STX12: variants seen among roughly 807,000 people sequenced by gnomAD.
STX12 encodes syntaxin-12.
STX12 carries 17 observed loss-of-function variants against 42.2 expected under a neutral mutation model. The observed-to-expected ratio is 0.40, with a 90% CI of 0.28 to 0.60. The LOEUF (loss-of-function observed/expected upper bound fraction) is 0.60, where lower values mean the gene tolerates loss of function less well. Among genes scored for constraint, STX12 ranks in the 20% least tolerant of loss-of-function variants. The probability of loss-of-function intolerance (pLI) is 0.39; values close to 1 mark genes in which losing one functional copy is unlikely to be tolerated. For missense variants in STX12, 297 were observed against 330.9 expected, an observed-to-expected ratio of 0.90 and a Z score of 0.79; for synonymous variants, 108 against 116.7, an observed-to-expected ratio of 0.93 and a Z score of 0.48.
chr1:27,814,821 G>A (rs566784216), intron 6 of STX12, among the ~76,000 whole-genome samples: 28 of 146,148 alleles, frequency 1.9e-4, no homozygotes, highest in African/African-American at 6.7e-4. Flanking sequence ...CCTGGCAACA[G>A]AGCGAGACTC....
Position 27,810,238 on chromosome 1 carries a change from C to T in STX12, c.427-8C>T, listed in dbSNP as rs778705939. The stretch of plus-strand genomic sequence containing the variant: ...ATGACAGCAGCAATAATACCATCTA[C>T]TTTCTAGGCAGAAGAGAGGCAAAGA... On this transcript the variant is annotated splice_polypyrimidine_tract_variant and splice_region_variant and intron_variant, in intron 4 of 8. Coordinates refer to ENST00000373943, the MANE Select transcript of STX12 (RefSeq NM_177424.3). 8 of 1,613,564 alleles carry T rather than the reference C, an allele frequency of 5.0e-6. No homozygotes were observed. Among genetic ancestry groups the T allele is most frequent in the Non-Finnish European group, 6.8e-6 (8 of 1,179,672 alleles).
chr1:27,792,244 CTATA>C (rs201129747), intron 2 of STX12, among the ~76,000 whole-genome samples: 10 of 94,968 alleles, frequency 1.1e-4, no homozygotes, highest in African/African-American at 4.7e-4. Context: ...ATATATGTAT[CTATA>C]TATATGTAGA....
intron 1 of STX12, among the ~76,000 whole-genome samples, chr1:27,780,809 G>C (rs1302959785): frequency 2.0e-5 from 3 of 151,808 alleles, no homozygotes; most frequent in Admixed American, 6.6e-5. Flanking sequence ...AAAATTAGCT[G>C]GGTGTGGTGG....
intron 4 of STX12, among the ~76,000 whole-genome samples, chr1:27,807,400 G>A (rs1163473589): frequency 6.6e-6 from 1 of 152,052 alleles, no homozygotes; most frequent in African/African-American, 2.4e-5. Flanking sequence ...TACACTCATG[G>A]AGCAAATAAA....
chr1:27,797,690 C>T (rs2088796355), intron 3 of STX12, among the ~76,000 whole-genome samples: 2 of 152,098 alleles, frequency 1.3e-5, no homozygotes, highest in South Asian at 4.1e-4. Context: ...CATGTTCTGA[C>T]ATCTCCTCCT....
intron 2 of STX12, among the ~76,000 whole-genome samples, chr1:27,790,839 G>T (rs1219412380): frequency 3.9e-5 from 6 of 152,150 alleles, no homozygotes; most frequent in Non-Finnish European, 8.8e-5. Context: ...TACTCAGGAG[G>T]CTGAGGCAGG....
intron 1 of STX12, among the ~76,000 whole-genome samples, chr1:27,780,804 T>C (rs1363823240): frequency 6.6e-6 from 1 of 151,588 alleles, no homozygotes; most frequent in Admixed American, 6.6e-5. Context: ...ATACAAAAAT[T>C]AGCTGGGTGT....
chr1:27,815,716 G>C (rs78203954), intron 6 of STX12, among the ~76,000 whole-genome samples: 1 of 152,168 alleles, frequency 6.6e-6, no homozygotes, highest in Non-Finnish European at 1.5e-5. Flanking sequence ...CACTATAGTA[G>C]ACTCTTAGCA....
intron 2 of STX12, among the ~76,000 whole-genome samples, chr1:27,792,505 G>A (rs951210251): frequency 6.6e-6 from 1 of 151,304 alleles, no homozygotes; most frequent in African/African-American, 2.4e-5. Flanking sequence ...CCACTGATTG[G>A]GTACCTCTTG....
chr1:27,788,403 T>TA (rs773499818), intron 1 of STX12, among the ~76,000 whole-genome samples: 1 of 152,214 alleles, frequency 6.6e-6, no homozygotes. Flanking sequence ...AGGCTGGCGT[T>TA]AGAGTGTTCC....
At chr1:27,804,269 A>T (rs1447852626) in intron 4 of STX12, among the ~76,000 whole-genome samples, 1 of 150,122 alleles carries the variant, frequency 6.7e-6, no homozygotes, top group East Asian at 2.0e-4. Context: ...CTATTAAAAA[A>T]TACAAAATTA....
At chr1:27,810,128 C>T in intron 4 of STX12, 118 bp from the exon 5 acceptor site, 1 of 865,368 alleles carries the variant, frequency 1.2e-6, no homozygotes, top group South Asian at 1.5e-5. Context: ...TGTAATCTTA[C>T]AGATTCTGTG....
intron 4 of STX12, among the ~76,000 whole-genome samples, chr1:27,802,449 C>G (rs2088833943): frequency 6.6e-6 from 1 of 152,198 alleles, no homozygotes; most frequent in African/African-American, 2.4e-5. Context: ...GTAAGCTCTT[C>G]TATCCCCCGG....
At chr1:27,801,968 C>T in intron 4 of STX12, 153 bp downstream of exon 4, 4 of 718,584 alleles carry the variant, frequency 5.6e-6, no homozygotes, top group Non-Finnish European at 8.4e-6. Context: ...AACATATATG[C>T]ATGTGATCAA....
At chr1:27,777,293 C>T (rs1472863043) in intron 1 of STX12, among the ~76,000 whole-genome samples, 2 of 149,644 alleles carry the variant, frequency 1.3e-5, no homozygotes, top group Admixed American at 1.3e-4. Flanking sequence ...TGAGCAAGAG[C>T]TGTGTGAGTA....
At chr1:27,804,951 C>G (rs539394189) in intron 4 of STX12, among the ~76,000 whole-genome samples, 1 of 152,124 alleles carries the variant, frequency 6.6e-6, no homozygotes, top group Non-Finnish European at 1.5e-5. Context: ...AACTTACAGT[C>G]ATGGTAGAAG....
chr1:27,818,633 C>CTTTT (rs201465138), intron 7 of STX12, among the ~76,000 whole-genome samples: 1 of 143,272 alleles, frequency 7.0e-6, no homozygotes, highest in African/African-American at 2.6e-5. Flanking sequence ...GTTAGTAACC[C>CTTTT]TTTTTTTTTT....
At chr1:27,782,423 A>G (rs1004761791) in intron 1 of STX12, among the ~76,000 whole-genome samples, 1 of 152,190 alleles carries the variant, frequency 6.6e-6, no homozygotes, top group Non-Finnish European at 1.5e-5. Flanking sequence ...ATTCAGAGCT[A>G]TGCTCTTAAC....
At chr1:27,806,926 A>G (rs1277885024) in intron 4 of STX12, among the ~76,000 whole-genome samples, 1 of 152,066 alleles carries the variant, frequency 6.6e-6, no homozygotes, top group East Asian at 1.9e-4. Flanking sequence ...CCTCACTAAC[A>G]CGTGAACACT....
Sources: allele counts gnomAD v4.1 joint callset (sites outside exome capture counted in the v4.1 genomes callset), GRCh38; gene constraint gnomAD v4.1.1; transcripts MANE v1.5; gene names NCBI Gene and HGNC (gene_info 2026-07-23, HGNC 2026-07-21).